SRGAP2: variants seen among roughly 807,000 people sequenced by gnomAD.
SRGAP2 encodes the protein SLIT-ROBO Rho GTPase activating protein 2.
In SRGAP2, 15 loss-of-function variants were observed where a neutral mutation model predicts 57.2. The observed-to-expected ratio is 0.26, with a 90% CI of 0.18 to 0.40. The LOEUF (loss-of-function observed/expected upper bound fraction) is 0.40, where lower values mean the gene tolerates loss of function less well. SRGAP2 is among the 10% of genes least tolerant of loss of function. The probability of loss-of-function intolerance (pLI) is 1.00; values close to 1 mark genes in which losing one functional copy is unlikely to be tolerated. For synonymous variants in SRGAP2, 249 were observed against 248.0 expected, an observed-to-expected ratio of 1.00 and a Z score of -0.04; for missense variants, 520 against 669.6, an observed-to-expected ratio of 0.78 and a Z score of 2.47.
chr1:206,415,761 T>C (rs1659648275), intron 10 of SRGAP2, 128 bp from the exon 11 acceptor site: 1 of 681,400 alleles, frequency 1.5e-6, no homozygotes, highest in South Asian at 1.6e-5. Flanking sequence ...AATTAAAAAA[T>C]TGACTGGTGG....
intron 5 of SRGAP2, 74 bp from the exon 6 acceptor site, chr1:206,392,615 C>G: frequency 1.4e-6 from 1 of 709,770 alleles, no homozygotes; most frequent in East Asian, 2.7e-5. Context: ...CCAGCTGAGT[C>G]TGTTAGTCTG....
At chr1:206,431,322 A>G (rs986337323) in intron 14 of SRGAP2, among the ~76,000 whole-genome samples, 1 of 152,250 alleles carries the variant, frequency 6.6e-6, no homozygotes, top group Admixed American at 6.5e-5. Context: ...AAACAGAAAC[A>G]GGAATAATAT....
intron 16 of SRGAP2, 75 bp downstream of exon 16, chr1:206,438,173 G>A (rs941041147): frequency 2.7e-6 from 2 of 736,412 alleles, no homozygotes; most frequent in East Asian, 2.5e-5. Context: ...TTTCCACAGG[G>A]TCTGTGTGTT....
intron 2 of SRGAP2, among the ~76,000 whole-genome samples, chr1:206,281,183 A>G (rs1234357883): frequency 3.5e-5 from 5 of 144,424 alleles, no homozygotes; most frequent in African/African-American, 1.1e-4. Context: ...ACTGAGTGTC[A>G]TAATACAGTG....
intron 3 of SRGAP2, among the ~76,000 whole-genome samples, chr1:206,339,481 A>G (rs1326438951): frequency 3.3e-5 from 5 of 151,384 alleles, no homozygotes; most frequent in Admixed American, 3.3e-4. Flanking sequence ...GCATACAGTG[A>G]TTCTTTCTTC....
intron 3 of SRGAP2, among the ~76,000 whole-genome samples, chr1:206,318,861 T>C (rs61816786): frequency 0.13 from 19,889 of 149,498 alleles, 2,684 homozygotes; most frequent in African/African-American, 0.36. Context: ...ACCCAGTCAC[T>C]TCCCACCAGG....
At chr1:206,281,635 C>A (rs1450479443) in intron 2 of SRGAP2, among the ~76,000 whole-genome samples, 14 of 107,644 alleles carry the variant, frequency 1.3e-4, no homozygotes, top group Non-Finnish European at 2.5e-4. Flanking sequence ...GAGTTTGAGA[C>A]CAGCCTGGCC....
At position 206,372,940 on chromosome 1, in the gene SRGAP2, TTTC is replaced by T. The variant is rs1394594647; in HGVS notation, c.424-11071_424-11069del. On this transcript the variant is annotated intron_variant, in intron 4 of 22. Coordinates refer to ENST00000573034, the MANE Select transcript of SRGAP2 (RefSeq NM_015326.5). ...CTTTCTTTCTTTCTTTCTTTCTTTC[TTTC>T]TTTCTTTCTTTCTTTTCTTTCCTTT... 4.7e-4 allele frequency among the ~76,000 whole-genome samples: 4 copies of T among 8,434 alleles called. 1 individual carries two copies. Among genetic ancestry groups the T allele is most frequent in the Admixed American group, 4.5e-3 (3 of 662 alleles). The allele number at this position is 8,434 out of a possible 152,430, so 5.5% of individuals were successfully genotyped here. A position where few individuals can be genotyped will look rare whatever the true frequency, so the allele number is the denominator to read the frequency against.
rs782203626 is a variant in SRGAP2 at position 206,393,551 on chromosome 1, G to A, written c.709G>A (p.Ala237Thr). The A allele has an allele frequency of 2.6e-6, 2 of 779,082 alleles. No individual in the cohort carries two copies. Among genetic ancestry groups the A allele is most frequent in the South Asian group, 1.4e-5 (1 of 74,010 alleles). 48.3% of individuals were successfully genotyped at this position (779,082 alleles called of 1,614,324 possible). Reference sequence around the variant, plus strand: ...ACTTCTGTTTCCTTTTCAGCGTCAAGCCAAGTACACGGAGAATAAGCTGAA... The same window carrying A: ...ACTTCTGTTTCCTTTTCAGCGTCAAACCAAGTACACGGAGAATAAGCTGAA... ...KIEKMKEKRQ[A>T]KYTENKLKAI... Residue 237 changes from alanine (A) to threonine (T), a missense_variant, in exon 7 of 23, where the codon GCC becomes ACC. This residue lies in a region of SRGAP2 where 12 missense variants were observed against 21.3 expected (regional missense o/e 0.56). Coordinates refer to ENST00000573034, the MANE Select transcript of SRGAP2 (RefSeq NM_015326.5).
At chr1:206,341,740 A>G (rs1675208132) in intron 3 of SRGAP2, among the ~76,000 whole-genome samples, 1 of 152,216 alleles carries the variant, frequency 6.6e-6, no homozygotes, top group Non-Finnish European at 1.5e-5. Context: ...GCTCACTCCT[A>G]TAATCCCAGC....
intron 3 of SRGAP2, among the ~76,000 whole-genome samples, chr1:206,332,850 G>C (rs1227577261): frequency 1.3e-5 from 2 of 150,854 alleles, no homozygotes; most frequent in African/African-American, 4.9e-5. Flanking sequence ...CGTTGCTGGT[G>C]AGGAACTGCG....
intron 2 of SRGAP2, among the ~76,000 whole-genome samples, chr1:206,234,402 C>T (rs527540375): frequency 6.6e-6 from 1 of 152,226 alleles, no homozygotes; most frequent in East Asian, 1.9e-4. Context: ...CTGTACTCCC[C>T]AGTGTCTAAC....
At chr1:206,353,350 A>G (rs1221843622) in intron 4 of SRGAP2, among the ~76,000 whole-genome samples, 14 of 152,124 alleles carry the variant, frequency 9.2e-5, no homozygotes, top group Non-Finnish European at 2.1e-4. Flanking sequence ...GATGATTTCT[A>G]AAGTTTACCA....
chr1:206,394,091 G>A (rs1307043924), intron 7 of SRGAP2, among the ~76,000 whole-genome samples: 1 of 117,598 alleles, frequency 8.5e-6, no homozygotes, highest in African/African-American at 3.5e-5. Flanking sequence ...CTGTCCCCCA[G>A]GCTGGAGTGC....
chr1:206,411,381 G>A (rs781867324), intron 10 of SRGAP2, among the ~76,000 whole-genome samples: 4 of 152,162 alleles, frequency 2.6e-5, no homozygotes, highest in Non-Finnish European at 5.9e-5. Flanking sequence ...TTTTTATCTT[G>A]GTATTCTCTT....
At chr1:206,329,603 CTCTG>C (rs1280503873) in intron 3 of SRGAP2, among the ~76,000 whole-genome samples, 2 of 127,310 alleles carry the variant, frequency 1.6e-5, no homozygotes, top group Non-Finnish European at 1.7e-5. Flanking sequence ...TGATTTGGCT[CTCTG>C]TCTGTTGTTG....
chr1:206,376,230 G>T (rs549785328), intron 4 of SRGAP2, among the ~76,000 whole-genome samples: 1 of 151,970 alleles, frequency 6.6e-6, no homozygotes, highest in African/African-American at 2.4e-5. Context: ...TCTTTGTTTC[G>T]TTTTGGGAGT....
intron 4 of SRGAP2, among the ~76,000 whole-genome samples, chr1:206,368,783 G>C (rs1316733290): frequency 3.9e-5 from 6 of 152,116 alleles, no homozygotes; most frequent in Admixed American, 2.6e-4. Flanking sequence ...GGGAATTTAA[G>C]GCCCAGGGGC....
At chr1:206,266,172 TC>T (rs1553314453) in intron 2 of SRGAP2, among the ~76,000 whole-genome samples, 1 of 149,582 alleles carries the variant, frequency 6.7e-6, no homozygotes, top group African/African-American at 2.5e-5. Flanking sequence ...AAGAAGGCAT[TC>T]TTTTTATTAA....
Sources: gnomAD v4.1 joint callset for allele counts (sites outside exome capture counted in the v4.1 genomes callset) on GRCh38, gnomAD v4.1.1 for gene constraint, gnomAD v4.1.1 regional missense constraint, MANE v1.5 for transcripts, NCBI Gene and HGNC (gene_info 2026-07-23, HGNC 2026-07-21) for gene names.